The following CNTNAP5 variants were observed in gnomAD, a reference collection of about 807,000 sequenced individuals.
The protein encoded by CNTNAP5 is contactin associated protein family member 5.
A neutral mutation model predicts 150.2 loss-of-function variants in CNTNAP5; 72 were observed. The observed-to-expected ratio is 0.48, with a 90% confidence interval of 0.40 to 0.58. The LOEUF is 0.58. CNTNAP5 is among the 20% of genes least tolerant of loss of function. The pLI is 0.00. For missense variants in CNTNAP5, 1,636 were observed against 1,626.2 expected (o/e 1.01, Z -0.10); for synonymous variants, 672 against 619.8 (o/e 1.08, Z -1.25).
chr2:124,403,960 T>C (rs1277592421), intron 3 of CNTNAP5, among the ~76,000 whole-genome samples: 6 of 152,114 alleles, frequency 3.9e-5, no homozygotes, highest in Admixed American at 1.3e-4. Context: ...GAGAATAGCA[T>C]GGAAAAAAAC....
At chr2:124,048,666 G>GT (rs764849009) in intron 1 of CNTNAP5, among the ~76,000 whole-genome samples, 82 of 152,216 alleles carry the variant, frequency 5.4e-4, no homozygotes, top group Non-Finnish European at 5.7e-4. Context: ...TTTTTTGTTG[G>GT]TAAATATGCT....
intron 13 of CNTNAP5, among the ~76,000 whole-genome samples, chr2:124,731,481 G>T (rs1680269503): frequency 1.3e-5 from 2 of 151,902 alleles, no homozygotes; most frequent in South Asian, 2.1e-4. Context: ...TGCCTTTCAG[G>T]AGGGGATCAA....
rs977275549 is a variant in CNTNAP5 at position 124,504,399 on chromosome 2, C to G, written c.1170C>G (p.Leu390=). 5 of 1,613,932 alleles carry G rather than the reference C, an allele frequency of 3.1e-6. No homozygotes were observed. In the South Asian group the frequency reaches 5.5e-5, roughly 18 times the overall value. Residue 390 remains leucine (L), a synonymous_variant, in exon 8 of 24, where the codon CTC becomes CTG. Coordinates refer to ENST00000682447, the MANE Select transcript of CNTNAP5 (RefSeq NM_001367498.1). The part of the protein sequence containing the change: ...LLPGTPQIDG[L]SVSFQFRTWN... ...CCGGCACCCCCCAAATTGATGGGCTCTCAGTGAGTTTCCAGTTTCGAACAT... is the reference window on the plus strand; with the variant it reads ...CCGGCACCCCCCAAATTGATGGGCTGTCAGTGAGTTTCCAGTTTCGAACAT...
chr2:124,507,696 A>AGAG (rs1694445926), intron 8 of CNTNAP5, among the ~76,000 whole-genome samples: 4 of 152,318 alleles, frequency 2.6e-5, no homozygotes, highest in Admixed American at 2.6e-4. Flanking sequence ...CCTTACAGAA[A>AGAG]GCCTTGTTGT....
At chr2:124,222,607 G>A (rs181258162) in intron 2 of CNTNAP5, among the ~76,000 whole-genome samples, 3 of 152,056 alleles carry the variant, frequency 2.0e-5, no homozygotes, top group Admixed American at 2.0e-4. Flanking sequence ...GGGTCTATTA[G>A]AGTTTATATT....
At chr2:124,858,927 A>T (rs1296932805) in intron 19 of CNTNAP5, among the ~76,000 whole-genome samples, 1 of 152,202 alleles carries the variant, frequency 6.6e-6, no homozygotes, top group Non-Finnish European at 1.5e-5. Flanking sequence ...TTAAAGACAT[A>T]AATGTTAGAC....
chr2:124,481,726 T>C (rs973301689), intron 7 of CNTNAP5, among the ~76,000 whole-genome samples: 5 of 152,158 alleles, frequency 3.3e-5, no homozygotes, highest in Non-Finnish European at 7.3e-5. Context: ...TATTTACAAA[T>C]ACTATTTCAG....
At chr2:124,735,865 G>A (rs539386007) in intron 13 of CNTNAP5, among the ~76,000 whole-genome samples, 56 of 152,206 alleles carry the variant, frequency 3.7e-4, no homozygotes, top group African/African-American at 1.2e-3. Context: ...ACCTCGTTTC[G>A]AATGTTAGTG....
intron 1 of CNTNAP5, among the ~76,000 whole-genome samples, chr2:124,177,373 G>A (rs1485902704): frequency 6.6e-6 from 1 of 152,012 alleles, no homozygotes; most frequent in African/African-American, 2.4e-5. Flanking sequence ...CTCCAACAAC[G>A]GGCAGACAGC....
At chr2:124,448,880 T>C (rs774176539) in intron 6 of CNTNAP5, among the ~76,000 whole-genome samples, 1 of 152,220 alleles carries the variant, frequency 6.6e-6, no homozygotes, top group Non-Finnish European at 1.5e-5. Flanking sequence ...CTACAAGTTG[T>C]TAATATCATT....
At chr2:124,078,633 G>T (rs963820224) in intron 1 of CNTNAP5, among the ~76,000 whole-genome samples, 1 of 152,316 alleles carries the variant, frequency 6.6e-6, no homozygotes, top group East Asian at 1.9e-4. Context: ...GATGCAATAT[G>T]CATCCACTAG....
At chr2:124,357,344 C>A (rs1467284875) in intron 3 of CNTNAP5, among the ~76,000 whole-genome samples, 1 of 152,180 alleles carries the variant, frequency 6.6e-6, no homozygotes, top group Non-Finnish European at 1.5e-5. Context: ...TCTTTTGTTG[C>A]CATTGCTTTT....
chr2:124,546,752 T>C (rs1442019761), intron 10 of CNTNAP5, among the ~76,000 whole-genome samples: 1 of 152,204 alleles, frequency 6.6e-6, no homozygotes, highest in African/African-American at 2.4e-5. Context: ...TTTTTCCTTC[T>C]AGTATGGAGG....
intron 10 of CNTNAP5, among the ~76,000 whole-genome samples, chr2:124,553,293 C>G (rs963365812): frequency 1.3e-5 from 2 of 152,106 alleles, no homozygotes; most frequent in East Asian, 3.9e-4. Flanking sequence ...CTCCTGAGGT[C>G]AGGAGTTCAA....
intron 3 of CNTNAP5, among the ~76,000 whole-genome samples, chr2:124,362,444 C>T (rs1690239483): frequency 6.6e-6 from 1 of 152,198 alleles, no homozygotes; most frequent in South Asian, 2.1e-4. Flanking sequence ...TGTCTAGCAT[C>T]TTATCATACA....
At chr2:124,360,357 T>G (rs1261202212) in intron 3 of CNTNAP5, among the ~76,000 whole-genome samples, 2 of 149,148 alleles carry the variant, frequency 1.3e-5, no homozygotes, top group African/African-American at 4.9e-5. Flanking sequence ...CATTATGATG[T>G]TAGCCGGTTA....
At chr2:124,781,446 T>A (rs534866074) in intron 17 of CNTNAP5, among the ~76,000 whole-genome samples, 14 of 152,304 alleles carry the variant, frequency 9.2e-5, no homozygotes, top group Non-Finnish European at 1.8e-4. Flanking sequence ...TAAGATTAAT[T>A]TGCAGTTAGT....
intron 13 of CNTNAP5, among the ~76,000 whole-genome samples, chr2:124,655,999 A>AAAGAAAGAAAGAAAGAAGGAAGGAAGG (rs1317556643): frequency 9.9e-5 from 9 of 90,622 alleles, no homozygotes; most frequent in African/African-American, 3.3e-4. Context: ...AAGAAAGAAA[A>AAAGAAAGAAAGAAAGAAGGAAGGAAGG]AAGGAAGGAA....
chr2:124,459,056 TC>T (rs1693187950), intron 6 of CNTNAP5, among the ~76,000 whole-genome samples: 1 of 152,226 alleles, frequency 6.6e-6, no homozygotes. Context: ...CAGTAATTTG[TC>T]CTACAATTAT....
Sources: gnomAD v4.1 joint callset for allele counts (sites outside exome capture counted in the v4.1 genomes callset) on GRCh38, gnomAD v4.1.1 for gene constraint, MANE v1.5 for transcripts, NCBI Gene and HGNC (gene_info 2026-07-23, HGNC 2026-07-21) for gene names.